The following AGBL4 variants were observed in gnomAD, a reference collection of about 807,000 sequenced individuals.
AGBL4 encodes the protein AGBL carboxypeptidase 4.
Under a neutral mutation model 66.4 loss-of-function variants are expected in AGBL4, and 58 were observed. The ratio of observed to expected loss-of-function variants is 0.87; its 90% confidence interval spans 0.71 to 1.09. The LOEUF is 1.09. Ranked by LOEUF, AGBL4 falls within the 50% of genes least tolerant of loss-of-function variation. AGBL4 has a pLI of 0.00. For synonymous variants in AGBL4, 234 were observed against 222.9 expected (o/e 1.05, Z -0.44); for missense variants, 579 against 631.0 (o/e 0.92, Z 0.88).
At chr1:48,718,843 CCTAA>C (rs1647095800) in intron 6 of AGBL4, among the ~76,000 whole-genome samples, 1 of 152,088 alleles carries the variant, frequency 6.6e-6, no homozygotes, top group Non-Finnish European at 1.5e-5. Flanking sequence ...AGTGTGACAC[CCTAA>C]CTAAGTGCTC....
intron 1 of AGBL4, chr1:49,865,847 A>G (rs1646686556): frequency 2.9e-5 from 8 of 280,634 alleles, no homozygotes; most frequent in South Asian, 2.8e-4. Context: ...AATGCAAAGA[A>G]GCTAAGAACC....
In AGBL4 at chr1:48,611,842, A is replaced by C. The variant is rs149288390; in HGVS notation, c.952-20857T>G. Among the ~76,000 whole-genome samples, 68 of 152,358 alleles carry C rather than the reference A, an allele frequency of 4.5e-4. No individual in the cohort carries two copies. In the East Asian group the frequency reaches 0.011, roughly 24 times the overall value. On this transcript the variant is annotated intron_variant, in intron 9 of 13. Transcript: ENST00000371839. ...GTGTGAGACTATCCCTATGGGTTTT[A>C]AGAAAATAAGATTTTTAAAGCTCCC...
intron 3 of AGBL4, among the ~76,000 whole-genome samples, chr1:49,407,502 T>C (rs1645230163): frequency 6.6e-6 from 1 of 152,224 alleles, no homozygotes; most frequent in Admixed American, 6.5e-5. Context: ...AATCTCTTTC[T>C]ATATATTTAC....
chr1:49,177,009 C>T (rs1646844633), intron 4 of AGBL4, among the ~76,000 whole-genome samples: 2 of 152,090 alleles, frequency 1.3e-5, no homozygotes, highest in African/African-American at 4.8e-5. Context: ...CCGGTGACAA[C>T]TCAACAAAGC....
intron 3 of AGBL4, among the ~76,000 whole-genome samples, chr1:49,539,480 T>C (rs1241455119): frequency 1.3e-5 from 2 of 152,192 alleles, no homozygotes; most frequent in Non-Finnish European, 2.9e-5. Flanking sequence ...GTGTTTTCTA[T>C]ATATTTGTTA....
At chr1:48,546,878 C>CAG (rs1217503392) in intron 11 of AGBL4, among the ~76,000 whole-genome samples, 2 of 151,454 alleles carry the variant, frequency 1.3e-5, no homozygotes, top group Admixed American at 6.6e-5. Flanking sequence ...CACACACACA[C>CAG]ACACACACAC....
At position 48,587,129 on chromosome 1, in the gene AGBL4, C is replaced by A. The variant is rs763263272; in HGVS notation, c.1142G>T (p.Gly381Val). The A allele has an allele frequency of 3.2e-6, 5 of 1,563,470 alleles. No individual in the cohort carries two copies. The highest frequency in any genetic ancestry group is 4.3e-6 in the Non-Finnish European group (5 of 1,154,068). ...TSFNRDAVKA[G>V]TGRRFLGGLL... ...TCCACCGAGGAAGCGACGGCCAGTT[C>A]CTGCTTTCACAGCGTCCCGGTTAAA... Residue 381 changes from glycine (G) to valine (V), a missense_variant, in exon 11 of 14, where the codon GGA (glycine) becomes GTA (valine). Gly to Val is a moderately radical substitution (Grantham distance 109). Transcript: ENST00000371839.
chr1:48,936,060 G>A (rs12738588), intron 5 of AGBL4, among the ~76,000 whole-genome samples: 1 of 145,320 alleles, frequency 6.9e-6, no homozygotes, highest in Non-Finnish European at 1.5e-5. Context: ...GGCCAAGGAA[G>A]AGCATAGCTT....
chr1:49,406,359 T>G (rs1207956621), intron 3 of AGBL4, among the ~76,000 whole-genome samples: 1 of 152,170 alleles, frequency 6.6e-6, no homozygotes, highest in Non-Finnish European at 1.5e-5. Flanking sequence ...GGTATGATAT[T>G]TATTTCATCA....
chr1:49,139,736 T>C (rs1646082220), intron 4 of AGBL4, among the ~76,000 whole-genome samples: 1 of 152,182 alleles, frequency 6.6e-6, no homozygotes, highest in Non-Finnish European at 1.5e-5. Context: ...AGGATTATTA[T>C]GAGGGCCAAA....
At chr1:49,295,043 T>C (rs766440596) in intron 3 of AGBL4, among the ~76,000 whole-genome samples, 10 of 152,346 alleles carry the variant, frequency 6.6e-5, no homozygotes, top group Non-Finnish European at 1.5e-4. Context: ...AGTGAATCCA[T>C]GAATAAATAA....
intron 9 of AGBL4, among the ~76,000 whole-genome samples, chr1:48,599,243 C>T (rs1645040926): frequency 6.6e-6 from 1 of 152,130 alleles, no homozygotes; most frequent in Non-Finnish European, 1.5e-5. Flanking sequence ...TAGAAGTACA[C>T]TCTAAAATAA....
chr1:49,545,010 CA>C (rs1346802074), intron 3 of AGBL4, among the ~76,000 whole-genome samples: 1 of 152,194 alleles, frequency 6.6e-6, no homozygotes, highest in South Asian at 2.1e-4. Flanking sequence ...TCCTTGGTAG[CA>C]AACTCTAAAA....
At chr1:49,199,487 C>T (rs530212681) in intron 4 of AGBL4, among the ~76,000 whole-genome samples, 4 of 152,232 alleles carry the variant, frequency 2.6e-5, no homozygotes, top group East Asian at 1.9e-4. Context: ...AAACCGTGTA[C>T]GGCATCTGTA....
intron 6 of AGBL4, among the ~76,000 whole-genome samples, chr1:48,747,269 C>T (rs1650920310): frequency 6.6e-6 from 1 of 152,104 alleles, no homozygotes; most frequent in African/African-American, 2.4e-5. Context: ...GGCTTTGATC[C>T]ATTTGCATTC....
chr1:48,744,943 G>A (rs1650500530), intron 6 of AGBL4, among the ~76,000 whole-genome samples: 1 of 152,236 alleles, frequency 6.6e-6, no homozygotes, highest in African/African-American at 2.4e-5. Flanking sequence ...TTAGACTTTC[G>A]GACATAGCTC....
intron 2 of AGBL4, among the ~76,000 whole-genome samples, chr1:49,810,125 A>C (rs1297627293): frequency 6.6e-6 from 1 of 152,200 alleles, no homozygotes; most frequent in African/African-American, 2.4e-5. Flanking sequence ...AGGTAGGTGA[A>C]GGTTTTCCTT....
intron 1 of AGBL4, among the ~76,000 whole-genome samples, chr1:49,861,975 C>G (rs1288784891): frequency 6.6e-6 from 1 of 152,084 alleles, no homozygotes; most frequent in African/African-American, 2.4e-5. Context: ...CTCTTCAATG[C>G]CCAGACACCA....
At chr1:48,604,918 A>G (rs776404990) in intron 9 of AGBL4, among the ~76,000 whole-genome samples, 8 of 152,254 alleles carry the variant, frequency 5.3e-5, no homozygotes, top group Non-Finnish European at 1.2e-4. Flanking sequence ...ATCCATATCT[A>G]CATAAAAACC....
Sources: gnomAD v4.1 joint callset for allele counts (sites outside exome capture counted in the v4.1 genomes callset) on GRCh38, gnomAD v4.1.1 for gene constraint, MANE v1.5 for transcripts, NCBI Gene and HGNC (gene_info 2026-07-23, HGNC 2026-07-21) for gene names.